Variants in ADGRL3 observed in about 807,000 individuals in gnomAD.
ADGRL3 encodes calcium-independent alpha-latrotoxin receptor 3.
Under a neutral mutation model 153.5 loss-of-function variants are expected in ADGRL3, and 62 were observed. The ratio of observed to expected loss-of-function variants is 0.40; its 90% CI spans 0.33 to 0.50. The LOEUF (loss-of-function observed/expected upper bound fraction) is 0.50. Ranked by LOEUF, ADGRL3 falls within the 20% of genes least tolerant of loss-of-function variation. The pLI is 0.47. For synonymous variants in ADGRL3, 710 were observed against 672.5 expected (o/e 1.06, Z -0.86); for missense variants, 1,641 against 1,859.4 (o/e 0.88, Z 2.16).
intron 26 of ADGRL3, 174 bp downstream of exon 26, chr4:62,068,357 G>T (rs772949632): frequency 4.8e-6 from 2 of 415,878 alleles, no homozygotes; most frequent in Non-Finnish European, 4.1e-6. Context: ...AGACGCTTTT[G>T]TTGTCTGATT....
In ADGRL3 at chr4:61,786,320, C is replaced by T. The variant is rs1460145779; in HGVS notation, c.1400-27489C>T. 2.6e-5 allele frequency among the ~76,000 whole-genome samples: 4 copies of T among 152,172 alleles called. No homozygotes were observed. In the South Asian group the frequency reaches 6.2e-4, roughly 24 times the overall value. ...CTCTTCTTCCTATGGTTTAAATATT[C>T]ATTCATTCACTCACTCATTCTGCTT... On this transcript the variant is annotated intron_variant, in intron 8 of 26. Coordinates refer to ENST00000683033, the MANE Select transcript of ADGRL3 (RefSeq NM_001387552.1).
intron 9 of ADGRL3, among the ~76,000 whole-genome samples, chr4:61,876,908 TAAAAAAAAA>T (rs33929278): frequency 7.4e-6 from 1 of 135,608 alleles, no homozygotes; most frequent in African/African-American, 2.7e-5. Flanking sequence ...GCTTTCACTT[TAAAAAAAAA>T]AAAAAAAAAA....
At chr4:61,924,536 A>G (rs1320145846) in intron 13 of ADGRL3, among the ~76,000 whole-genome samples, 2 of 152,188 alleles carry the variant, frequency 1.3e-5, no homozygotes, top group African/African-American at 4.8e-5. Context: ...CCATATCTGT[A>G]ACTGAATTCC....
intron 8 of ADGRL3, among the ~76,000 whole-genome samples, chr4:61,812,617 T>C (rs1356169967): frequency 6.6e-6 from 1 of 152,236 alleles, no homozygotes; most frequent in Non-Finnish European, 1.5e-5. Flanking sequence ...GTATATAAAG[T>C]ACCTTTAGAA....
intron 5 of ADGRL3, among the ~76,000 whole-genome samples, chr4:61,610,116 T>C (rs2099047266): frequency 6.8e-6 from 1 of 147,418 alleles, no homozygotes; most frequent in Non-Finnish European, 1.5e-5. Context: ...ATGAGCATTT[T>C]AGTTTAAAAT....
intron 2 of ADGRL3, among the ~76,000 whole-genome samples, chr4:61,419,841 C>G (rs1472233730): frequency 6.7e-6 from 1 of 150,054 alleles, no homozygotes; most frequent in African/African-American, 2.5e-5. Context: ...GTCACCTAGG[C>G]TGGACAGCAA....
intron 5 of ADGRL3, among the ~76,000 whole-genome samples, chr4:61,663,928 G>T (rs1475363741): frequency 6.6e-6 from 1 of 152,124 alleles, no homozygotes; most frequent in Admixed American, 6.5e-5. Flanking sequence ...CTTATTACAA[G>T]ATGTCATAAG....
chr4:61,529,271 C>A (rs892527401), intron 4 of ADGRL3, among the ~76,000 whole-genome samples: 2 of 152,106 alleles, frequency 1.3e-5, no homozygotes, highest in Non-Finnish European at 2.9e-5. Flanking sequence ...ACTTGTCTAT[C>A]CAGTATGTAT....
At chr4:61,784,290 A>G (rs1406746621) in intron 8 of ADGRL3, among the ~76,000 whole-genome samples, 1 of 152,148 alleles carries the variant, frequency 6.6e-6, no homozygotes, top group Non-Finnish European at 1.5e-5. Context: ...GAAATCTAAC[A>G]CAGCTAAATG....
At chr4:61,270,244 A>C (rs1002504467) in intron 1 of ADGRL3, among the ~76,000 whole-genome samples, 17 of 151,726 alleles carry the variant, frequency 1.1e-4, no homozygotes, top group Admixed American at 9.9e-4. Flanking sequence ...TTTTAAGCCT[A>C]AACTTTAAAT....
intron 4 of ADGRL3, among the ~76,000 whole-genome samples, chr4:61,563,311 C>T (rs1009695980): frequency 5.9e-5 from 9 of 152,018 alleles, no homozygotes; most frequent in African/African-American, 2.2e-4. Flanking sequence ...CTAAAATATT[C>T]AGTAAACCAT....
chr4:61,702,956 G>C (rs1266707170), intron 6 of ADGRL3, among the ~76,000 whole-genome samples: 2 of 151,998 alleles, frequency 1.3e-5, no homozygotes, highest in African/African-American at 4.8e-5. Flanking sequence ...CTTAAGTAAT[G>C]AGGAGCCATC....
intron 5 of ADGRL3, among the ~76,000 whole-genome samples, chr4:61,663,181 A>G (rs2094662566): frequency 1.3e-5 from 2 of 152,282 alleles, no homozygotes; most frequent in South Asian, 4.1e-4. Context: ...CTTGCTCACT[A>G]CATTGTGGGT....
intron 5 of ADGRL3, among the ~76,000 whole-genome samples, chr4:61,651,671 G>A (rs2094257138): frequency 6.6e-6 from 1 of 151,492 alleles, no homozygotes; most frequent in Admixed American, 6.6e-5. Flanking sequence ...GCAGTGGCGT[G>A]ATCTCGGCTC....
chr4:61,712,191 C>A (rs928721973), intron 6 of ADGRL3, among the ~76,000 whole-genome samples: 17 of 151,972 alleles, frequency 1.1e-4, no homozygotes, highest in African/African-American at 4.1e-4. Flanking sequence ...CCCCGGAATT[C>A]GAGACCAGTC....
chr4:61,730,296 A>G (rs1193339268), intron 6 of ADGRL3, among the ~76,000 whole-genome samples: 1 of 151,936 alleles, frequency 6.6e-6, no homozygotes, highest in Non-Finnish European at 1.5e-5. Flanking sequence ...CTGCCTTTCC[A>G]ATGGAAATAT....
intron 11 of ADGRL3, among the ~76,000 whole-genome samples, chr4:61,899,672 A>C (rs184975694): frequency 4.3e-4 from 65 of 152,310 alleles, no homozygotes; most frequent in Admixed American, 1.4e-3. Context: ...ACAAACAAAC[A>C]AACCAACCAT....
At position 61,733,542 on chromosome 4, in the gene ADGRL3, G is replaced by C; in HGVS notation, c.1387G>C (p.Asp463His). The C allele has an allele frequency of 1.2e-6, 2 of 1,610,832 alleles. No homozygotes were observed. The highest frequency in any genetic ancestry group is 1.7e-6 in the Non-Finnish European group (2 of 1,177,688). The change falls in exon 8 of 27, where the codon GAT (aspartate) becomes CAT (histidine). Residue 463 changes from aspartate (D) to histidine (H), a missense_variant. By Grantham distance (81) the Asp-to-His change is moderately conservative. Transcript: ENST00000683033. ...ATATTCTTTGGATTTTGGACCTCTG[G>C]ATAGTAGATCAGGTAAGTTCAACCT... ...VKYSLDFGPL[D>H]SRSGQAHHGQ... is the part of the protein sequence containing the mutation.
In ADGRL3 at chr4:61,500,029, C is replaced by CAGAGAGAGAG. The variant is rs10673228; in HGVS notation, c.55+2707_55+2716dup. Among the ~76,000 whole-genome samples, 824 of 140,526 alleles carry CAGAGAGAGAG rather than the reference C, an allele frequency of 5.9e-3. 4 individuals carry two copies. The highest frequency in any genetic ancestry group is 0.012 in the African/African-American group (430 of 36,886). The allele number at this position is 140,526 out of a possible 152,430, so 92.2% of individuals were successfully genotyped here. ...ACACACACACATACACACACAGAAA[C>CAGAGAGAGAG]AGAGAGAGAGAGAGAGAGAGAGAGA... On this transcript the variant is annotated intron_variant, in intron 3 of 26. Transcript: ENST00000683033.
Sources: gnomAD v4.1 joint callset for allele counts (sites outside exome capture counted in the v4.1 genomes callset) on GRCh38, gnomAD v4.1.1 for gene constraint, MANE v1.5 for transcripts, NCBI Gene and HGNC (gene_info 2026-07-23, HGNC 2026-07-21) for gene names.